The following CTBP2 variants were observed in gnomAD, a reference collection of about 807,000 sequenced individuals.
The protein encoded by CTBP2 is C-terminal binding protein 2, also known as C-terminal-binding protein 2.
In CTBP2, 30 loss-of-function variants were observed where a neutral mutation model predicts 80.3. The observed-to-expected ratio is 0.37, with a 90% CI of 0.28 to 0.51. The LOEUF is 0.51. Among genes scored for constraint, CTBP2 ranks in the 20% least tolerant of loss-of-function variants. The pLI is 0.93. For synonymous variants in CTBP2, 594 were observed against 587.4 expected (o/e 1.01, Z -0.16); for missense variants, 1,212 against 1,375.3 (o/e 0.88, Z 1.88).
At chr10:125,046,144 GATAATC>G (rs1961179298) in intron 2 of CTBP2, among the ~76,000 whole-genome samples, 1 of 152,102 alleles carries the variant, frequency 6.6e-6, no homozygotes, top group Admixed American at 6.5e-5. Context: ...TGCCAGAACA[GATAATC>G]ATACTGACCC....
In CTBP2 at chr10:125,013,376, G is replaced by C. The variant is rs61202231; in HGVS notation, c.1679-9884C>G. On this transcript the variant is annotated intron_variant, in intron 1 of 8. Transcript: ENST00000309035. The stretch of plus-strand genomic sequence containing the variant: ...GCCTGGAAGCTGGGGAAATACCTGA[G>C]ACTGGAAACGCCCGAAGTTGTAAAA... 5.9e-3 allele frequency among the ~76,000 whole-genome samples: 906 copies of C among 152,340 alleles called. 11 individuals are homozygous for C. The highest frequency in any genetic ancestry group is 0.02 in the African/African-American group (844 of 41,574).
At chr10:125,031,720 G>A (rs1367358571), upstream of CTBP2, among the ~76,000 whole-genome samples, 1 of 152,150 alleles carries the variant, frequency 6.6e-6, no homozygotes, top group African/African-American at 2.4e-5. Context: ...CCCAGACATC[G>A]TTTCAGGTAT....
intron 2 of CTBP2, among the ~76,000 whole-genome samples, chr10:125,090,971 T>G (rs1848677622): frequency 6.6e-6 from 1 of 152,128 alleles, no homozygotes; most frequent in Admixed American, 6.5e-5. Flanking sequence ...AAAGAAAAGA[T>G]CAGCCATTTT....
At chr10:125,022,001 C>T (rs533789547) in intron 1 of CTBP2, among the ~76,000 whole-genome samples, 48 of 152,198 alleles carry the variant, frequency 3.2e-4, no homozygotes, top group Admixed American at 7.9e-4. Flanking sequence ...GTTTTTACTA[C>T]GCAGGCATAG....
chr10:125,006,828 G>T (rs1237358758), intron 1 of CTBP2, among the ~76,000 whole-genome samples: 1 of 152,066 alleles, frequency 6.6e-6, no homozygotes, highest in African/African-American at 2.4e-5. Context: ...AAAGCCCAAG[G>T]CGCAGTACGT....
chr10:125,157,754 T>G (rs1167941390), intron 1 of CTBP2, among the ~76,000 whole-genome samples: 1 of 152,164 alleles, frequency 6.6e-6, no homozygotes, highest in Admixed American at 6.5e-5. Flanking sequence ...ATTAAACTGG[T>G]TTCATTAAAG....
At position 124,986,279 on chromosome 10, in the gene CTBP2, ACGCGCG is replaced by A. The variant is rs72416239; in HGVS notation, c.*3233_*3238del. ...AGGAATTTGGAAAGACGACACACGCACGCGCGCGCGCGCACACACACACACACACAC... is the reference window on the plus strand; with the variant it reads ...AGGAATTTGGAAAGACGACACACGCACGCGCGCACACACACACACACACAC... On this transcript the variant is annotated 3_prime_UTR_variant, in exon 9 of 9. Coordinates refer to ENST00000309035, the MANE Select transcript of CTBP2 (RefSeq NM_022802.3). The A allele has an allele frequency of 0.28, 31,034 of 112,082 alleles. 3,419 individuals are homozygous for A. Among genetic ancestry groups the A allele is most frequent in the East Asian group, 0.42 (1,725 of 4,148 alleles). The allele number at this position is 112,082 out of a possible 1,614,324, so 6.9% of individuals were successfully genotyped here. A position where few individuals can be genotyped will look rare whatever the true frequency, so the allele number is the denominator to read the frequency against.
Position 125,027,936 on chromosome 10 carries a change from G to C in CTBP2, c.-177C>G. Reference sequence around the variant, plus strand: ...GAATTATTAATCCTCCGAAACCTTAGCAGACAAAACATAAGACTCACGGTA... The same window carrying C: ...GAATTATTAATCCTCCGAAACCTTACCAGACAAAACATAAGACTCACGGTA... On this transcript the variant is annotated 5_prime_UTR_variant, in exon 1 of 9. Transcript: ENST00000309035. The C allele has an allele frequency of 7.1e-7, 1 of 1,416,304 alleles. No homozygotes were observed. Among genetic ancestry groups the C allele is most frequent in the Non-Finnish European group, 9.2e-7 (1 of 1,089,108 alleles). 87.7% of individuals were successfully genotyped at this position (1,416,304 alleles called of 1,614,324 possible).
intron 4 of CTBP2, among the ~76,000 whole-genome samples, chr10:124,994,888 C>T (rs542285244): frequency 7.2e-5 from 11 of 152,360 alleles, no homozygotes; most frequent in African/African-American, 1.9e-4. Flanking sequence ...AGGTGAGGAC[C>T]GCAGTGCTTG....
chr10:125,131,853 G>A (rs1411003672), intron 1 of CTBP2, among the ~76,000 whole-genome samples: 2 of 152,136 alleles, frequency 1.3e-5, no homozygotes, highest in Non-Finnish European at 2.9e-5. Context: ...CTTAATTAGT[G>A]CTGCCGGGAA....
intron 1 of CTBP2, among the ~76,000 whole-genome samples, chr10:125,156,848 T>C (rs1861007705): frequency 6.6e-6 from 1 of 152,244 alleles, no homozygotes. Context: ...AAGTTAAGAC[T>C]GAAGTTATTG....
At chr10:125,108,223 G>A (rs1055484349) in intron 2 of CTBP2, among the ~76,000 whole-genome samples, 3 of 152,334 alleles carry the variant, frequency 2.0e-5, no homozygotes, top group Non-Finnish European at 4.4e-5. Flanking sequence ...TCAGGAGAAG[G>A]CTGAAGTGTT....
chr10:125,010,952 G>C (rs1040345773), intron 1 of CTBP2, among the ~76,000 whole-genome samples: 1 of 152,196 alleles, frequency 6.6e-6, no homozygotes, highest in Non-Finnish European at 1.5e-5. Flanking sequence ...CACTAAAAAC[G>C]CCAGGATCTT....
intron 6 of CTBP2, 95 bp downstream of exon 8, chr10:124,993,760 C>T: frequency 1.4e-6 from 2 of 1,433,326 alleles, no homozygotes; most frequent in East Asian, 4.6e-5. Flanking sequence ...TGCCCAGGGA[C>T]CTGTTTGGGA....
chr10:125,001,281 G>A (rs774207940), intron 3 of CTBP2: 2 of 152,382 alleles, frequency 1.3e-5, no homozygotes, highest in Non-Finnish European at 2.9e-5. Flanking sequence ...GCTGTGTGGT[G>A]AGGGGCCGAC....
At chr10:125,018,723 C>T (rs1323950380) in intron 1 of CTBP2, among the ~76,000 whole-genome samples, 1 of 152,206 alleles carries the variant, frequency 6.6e-6, no homozygotes, top group Non-Finnish European at 1.5e-5. Context: ...GGTAGGTGCA[C>T]CCCACCAGCC....
At chr10:125,090,667 G>A (rs528681914) in intron 2 of CTBP2, among the ~76,000 whole-genome samples, 1 of 152,072 alleles carries the variant, frequency 6.6e-6, no homozygotes, top group Admixed American at 6.5e-5. Flanking sequence ...GGAGGCTGAG[G>A]TGGGAGGACT....
At chr10:125,017,200 G>A (rs1200843735) in intron 1 of CTBP2, among the ~76,000 whole-genome samples, 2 of 152,220 alleles carry the variant, frequency 1.3e-5, no homozygotes, top group African/African-American at 2.4e-5. Context: ...AAATCAGAAG[G>A]TGACACGCAG....
intron 1 of CTBP2, among the ~76,000 whole-genome samples, chr10:125,142,325 C>T (rs1314167678): frequency 6.6e-6 from 1 of 152,182 alleles, no homozygotes; most frequent in African/African-American, 2.4e-5. Flanking sequence ...CAGAGCACCC[C>T]TGGGGCTCAT....
Sources: allele counts gnomAD v4.1 joint callset (sites outside exome capture counted in the v4.1 genomes callset), GRCh38; gene constraint gnomAD v4.1.1; transcripts MANE v1.5; gene names NCBI Gene and HGNC (gene_info 2026-07-23, HGNC 2026-07-21).